YBX1: variants seen among roughly 807,000 people sequenced by gnomAD.
The protein encoded by YBX1 is Y-box-binding protein 1.
Under a neutral mutation model 41.4 loss-of-function variants are expected in YBX1, and 3 were observed. The observed-to-expected ratio is 0.07, with a 90% CI of 0.03 to 0.19. The LOEUF (loss-of-function observed/expected upper bound fraction) is 0.19, where lower values mean the gene tolerates loss of function less well. Ranked by LOEUF, YBX1 falls within the 10% of genes least tolerant of loss-of-function variation. The probability of loss-of-function intolerance (pLI) is 1.00; values close to 1 mark genes in which losing one functional copy is unlikely to be tolerated. For missense variants in YBX1, 274 were observed against 462.8 expected, an observed-to-expected ratio of 0.59 and a Z score of 3.74; for synonymous variants, 133 against 165.8, an observed-to-expected ratio of 0.80 and a Z score of 1.52.
intron 2 of YBX1, among the ~76,000 whole-genome samples, chr1:42,691,632 T>A (rs1456185078): frequency 6.6e-6 from 1 of 152,200 alleles, no homozygotes; most frequent in Admixed American, 6.5e-5. Flanking sequence ...AAAGAAATGA[T>A]GTATTACCCA....
chr1:42,684,903 C>G (rs1203891012), intron 2 of YBX1, among the ~76,000 whole-genome samples: 1 of 152,190 alleles, frequency 6.6e-6, no homozygotes, highest in African/African-American at 2.4e-5. Context: ...TTTAAGTGTG[C>G]TTACCTTGGG....
chr1:42,689,547 T>C (rs1650279472), intron 2 of YBX1, among the ~76,000 whole-genome samples: 1 of 152,228 alleles, frequency 6.6e-6, no homozygotes, highest in African/African-American at 2.4e-5. Context: ...TTCTAAAATT[T>C]AGCTTATTTT....
At chr1:42,690,878 A>G (rs893880537) in intron 2 of YBX1, among the ~76,000 whole-genome samples, 3 of 152,154 alleles carry the variant, frequency 2.0e-5, no homozygotes. Context: ...TTTCTAGTAG[A>G]TGGGGGAGCT....
chr1:42,685,102 T>G (rs1650159369), intron 2 of YBX1, among the ~76,000 whole-genome samples: 1 of 151,660 alleles, frequency 6.6e-6, no homozygotes, highest in African/African-American at 2.4e-5. Flanking sequence ...GATTGCAGGT[T>G]TTGTATGTGT....
intron 2 of YBX1, among the ~76,000 whole-genome samples, chr1:42,688,306 A>G (rs911172919): frequency 1.3e-5 from 2 of 152,228 alleles, no homozygotes; most frequent in Non-Finnish European, 2.9e-5. Flanking sequence ...GATGAACCAC[A>G]TAGCCAAGAA....
chr1:42,693,563 A>T (rs755909624), intron 3 of YBX1, 40 bp downstream of exon 3: 7 of 1,607,050 alleles, frequency 4.4e-6, no homozygotes, highest in Non-Finnish European at 6.0e-6. Context: ...TGATTCAAGG[A>T]TTGTAAGAAG....
At position 42,696,307 on chromosome 1, in the gene YBX1, T is replaced by G; in HGVS notation, c.354+19T>G. ...AGAAAAGGTGAGGATGCTTTTTGTG[T>G]AAAGGTTTGACTTCAGTATGGAAAT... On this transcript the variant is annotated intron_variant, in intron 4 of 7. Coordinates refer to ENST00000321358, the MANE Select transcript of YBX1 (RefSeq NM_004559.5). The surrounding 1 kb of genome is among the most constrained non-coding windows in gnomAD (Gnocchi z 5.7). 1 of 1,610,696 alleles carries G rather than the reference T, an allele frequency of 6.2e-7. No homozygotes were observed.
chr1:42,692,167 C>T (rs1449444485), intron 2 of YBX1, among the ~76,000 whole-genome samples: 2 of 152,214 alleles, frequency 1.3e-5, no homozygotes, highest in African/African-American at 4.8e-5. Flanking sequence ...AAGTATTGCC[C>T]CTGTTGAAAA....
intron 7 of YBX1, among the ~76,000 whole-genome samples, 198 bp from the exon 8 acceptor site, chr1:42,701,783 A>T (rs1650607292): frequency 6.6e-6 from 1 of 152,118 alleles, no homozygotes. Context: ...TGATATCGAG[A>T]GGTACGTGAT....
chr1:42,695,467 C>T (rs1254473112), intron 3 of YBX1, among the ~76,000 whole-genome samples: 1 of 152,166 alleles, frequency 6.6e-6, no homozygotes, highest in African/African-American at 2.4e-5. Context: ...TGTCCTGTCT[C>T]ATAATGAGAT....
chr1:42,697,978 A>T (rs1650502404), intron 6 of YBX1, among the ~76,000 whole-genome samples: 1 of 152,224 alleles, frequency 6.6e-6, no homozygotes, highest in Non-Finnish European at 1.5e-5. Flanking sequence ...GAGTTTTCAT[A>T]GGTGATCCCC....
At position 42,697,183 on chromosome 1, in the gene YBX1, G is replaced by A. The variant is rs1285198628; in HGVS notation, c.661G>A (p.Ala221Thr). Residue 221 changes from alanine (A) to threonine (T), a missense_variant, in exon 6 of 8, where the codon GCT (alanine) becomes ACT (threonine). Ala to Thr is a moderately conservative substitution (Grantham distance 58). This residue lies in a region of YBX1 where 187 missense variants were observed against 306.3 expected (regional missense o/e 0.61). Coordinates refer to ENST00000321358, the MANE Select transcript of YBX1 (RefSeq NM_004559.5). ...TAATTTCCATTGTCTTTTTCAGGGT[G>A]CTGACAACCAGGGTGCAGGAGAACA... ...PPVQGEVMEG[A>T]DNQGAGEQGR... is the part of the protein sequence containing the mutation. The A allele has an allele frequency of 6.2e-7, 1 of 1,613,272 alleles. No individual in the cohort carries two copies. Among genetic ancestry groups the A allele is most frequent in the Non-Finnish European group, 8.5e-7 (1 of 1,179,790 alleles).
In YBX1 at chr1:42,696,179, T is replaced by C. The variant is rs764543888; in HGVS notation, c.265-20T>C. On this transcript the variant is annotated intron_variant, in intron 3 of 7. Transcript: ENST00000321358. This position sits in a 1 kb window ranked among gnomAD's most constrained non-coding sequence, Gnocchi z 5.7. ...ATTATTCTCCCCTGTTAATCTATTT[T>C]TGGAATGTGATATTACTAGACTGCC... 12 of 1,584,768 alleles carry C rather than the reference T, an allele frequency of 7.6e-6. No homozygotes were observed. Among genetic ancestry groups the C allele is most frequent in the Non-Finnish European group, 1.0e-5 (12 of 1,162,478 alleles).
intron 2 of YBX1, among the ~76,000 whole-genome samples, chr1:42,692,939 G>A (rs947178681): frequency 1.3e-5 from 2 of 152,220 alleles, no homozygotes; most frequent in Non-Finnish European, 2.9e-5. Context: ...GACTTGTGGA[G>A]TAGCTTTTAT....
At position 42,702,562 on chromosome 1, in the gene YBX1, A is replaced by G. The variant is rs1650630846; in HGVS notation, c.*613A>G. 6.6e-6 allele frequency among the ~76,000 whole-genome samples: 1 copy of G among 152,190 alleles called. No homozygotes were observed. Among genetic ancestry groups the G allele is most frequent in the South Asian group, 2.1e-4 (1 of 4,830 alleles). ...TACTCTGATAACCTGGCCATTTTTCATTGAAGGATTTAGCTCATTTGTAAG... is the reference window on the plus strand; with the variant it reads ...TACTCTGATAACCTGGCCATTTTTCGTTGAAGGATTTAGCTCATTTGTAAG... On this transcript the variant is annotated 3_prime_UTR_variant, in exon 8 of 8. Transcript: ENST00000321358.
intron 1 of YBX1, 182 bp downstream of exon 1, chr1:42,682,913 C>G (rs1054812639): frequency 5.2e-6 from 1 of 191,048 alleles, no homozygotes; most frequent in Non-Finnish European, 1.0e-5. Flanking sequence ...CAGGCGCGCG[C>G]GCACTGCCTC....
In YBX1 at chr1:42,702,840, A is replaced by C. The variant is rs1650637910; in HGVS notation, c.*891A>C. ...TAGAGATGGAAACAAGTAATATAAA[A>C]CCCATGGGAAAGCTGCTTAGGAACA... is the stretch of plus-strand genomic sequence containing the variant. On this transcript the variant is annotated 3_prime_UTR_variant, in exon 8 of 8. Coordinates refer to ENST00000321358, the MANE Select transcript of YBX1 (RefSeq NM_004559.5). Among the ~76,000 whole-genome samples, 1 of 152,038 alleles carries C rather than the reference A, an allele frequency of 6.6e-6. No individual in the cohort carries two copies. The highest frequency in any genetic ancestry group is 2.1e-4 in the South Asian group (1 of 4,822).
Position 42,700,949 on chromosome 1 carries a change from A to G in YBX1, c.909A>G (p.Thr303=), listed in dbSNP as rs1570426087. ...CTAAACCACAAGATGGCAAAGAGAC[A>G]AAAGCAGCCGATCCACCAGCTGAGA... ...ENPKPQDGKE[T]KAADPPAENS... is the part of the protein sequence containing the mutation. Residue 303 remains threonine (T), a synonymous_variant, in exon 7 of 8, where the codon ACA becomes ACG. Transcript: ENST00000321358. 6 of 1,614,156 alleles carry G rather than the reference A, an allele frequency of 3.7e-6. No homozygotes were observed. The highest frequency in any genetic ancestry group is 2.2e-5 in the East Asian group (1 of 44,876).
intron 2 of YBX1, among the ~76,000 whole-genome samples, chr1:42,691,148 A>G (rs913315312): frequency 3.3e-5 from 5 of 152,238 alleles, no homozygotes; most frequent in African/African-American, 1.2e-4. Flanking sequence ...CACTCTTTTT[A>G]ATGGTATAAT....
Sources: allele counts gnomAD v4.1 joint callset (sites outside exome capture counted in the v4.1 genomes callset), GRCh38; gene constraint gnomAD v4.1.1; regional missense constraint gnomAD v4.1.1; non-coding constraint Gnocchi (gnomAD v3.1); transcripts MANE v1.5; gene names NCBI Gene and HGNC (gene_info 2026-07-23, HGNC 2026-07-21).